The following SORCS2 variants were observed in gnomAD, a reference collection of about 807,000 sequenced individuals.
The protein encoded by SORCS2 is sortilin related VPS10 domain containing receptor 2.
In SORCS2, 100 loss-of-function variants were observed where a neutral mutation model predicts 141.6. The observed-to-expected ratio is 0.71, with a 90% confidence interval of 0.60 to 0.83. The LOEUF (loss-of-function observed/expected upper bound fraction) is 0.83, where lower values mean the gene tolerates loss of function less well. Ranked by LOEUF, SORCS2 falls within the 40% of genes least tolerant of loss-of-function variation. SORCS2 has a pLI of 0.00. For synonymous variants in SORCS2, 789 were observed against 676.9 expected, an observed-to-expected ratio of 1.17 and a Z score of -2.57; for missense variants, 1,646 against 1,560.2, an observed-to-expected ratio of 1.05 and a Z score of -0.93.
chr4:7,538,336 T>C (rs1712294492), intron 3 of SORCS2, among the ~76,000 whole-genome samples: 1 of 152,194 alleles, frequency 6.6e-6, no homozygotes, highest in African/African-American at 2.4e-5. Flanking sequence ...TTGTCATGGC[T>C]GGACCCAAGG....
At chr4:7,491,436 G>A (rs749139394) in intron 2 of SORCS2, among the ~76,000 whole-genome samples, 1 of 152,230 alleles carries the variant, frequency 6.6e-6, no homozygotes, top group African/African-American at 2.4e-5. Context: ...CTGCAGGCAG[G>A]TGCAGCGGCT....
intron 1 of SORCS2, among the ~76,000 whole-genome samples, chr4:7,335,788 G>A (rs895145208): frequency 1.4e-4 from 21 of 152,216 alleles, no homozygotes; most frequent in African/African-American, 4.8e-4. Context: ...GTGTGGCGTG[G>A]CGACTGGAAC....
At chr4:7,517,428 C>A (rs891599971) in intron 2 of SORCS2, among the ~76,000 whole-genome samples, 1 of 152,206 alleles carries the variant, frequency 6.6e-6, no homozygotes, top group African/African-American at 2.4e-5. Flanking sequence ...TCAGATGGCT[C>A]TGACCTCATC....
rs34428063 is a variant in SORCS2 at position 7,663,348 on chromosome 4, G to A, written c.953-1005G>A. Reference sequence around the variant, plus strand: ...TGAGTGATTGAGTGAGTGAGTGAGTGAGTCAGTCAGTCAGTAGACTGTTGA... The same window carrying A: ...TGAGTGATTGAGTGAGTGAGTGAGTAAGTCAGTCAGTCAGTAGACTGTTGA... On this transcript the variant is annotated intron_variant, in intron 6 of 26. Coordinates refer to ENST00000507866, the MANE Select transcript of SORCS2 (RefSeq NM_020777.3). This position sits in a 1 kb window ranked among gnomAD's most constrained non-coding sequence, Gnocchi z 4.8. Among the ~76,000 whole-genome samples, 2 of 152,036 alleles carry A rather than the reference G, an allele frequency of 1.3e-5. No individual in the cohort carries two copies. The highest frequency in any genetic ancestry group is 6.5e-5 in the Admixed American group (1 of 15,280).
chr4:7,572,315 T>G (rs773887929), intron 3 of SORCS2, among the ~76,000 whole-genome samples: 4 of 152,238 alleles, frequency 2.6e-5, no homozygotes, highest in African/African-American at 4.8e-5. Flanking sequence ...GATATTAACA[T>G]ACTCTGCTAG....
At chr4:7,350,403 C>T (rs1720870767) in intron 1 of SORCS2, among the ~76,000 whole-genome samples, 1 of 152,236 alleles carries the variant, frequency 6.6e-6, no homozygotes, top group Admixed American at 6.5e-5. Flanking sequence ...CAGAACTTAG[C>T]AATACATAGA....
At chr4:7,411,439 C>T (rs1361922041) in intron 2 of SORCS2, among the ~76,000 whole-genome samples, 1 of 152,074 alleles carries the variant, frequency 6.6e-6, no homozygotes, top group African/African-American at 2.4e-5. Flanking sequence ...ATCTGATCAA[C>T]CATCAATGCT....
intron 1 of SORCS2, among the ~76,000 whole-genome samples, chr4:7,294,004 T>G (rs556264385): frequency 1.6e-4 from 24 of 152,306 alleles, no homozygotes; most frequent in Admixed American, 8.5e-4. Flanking sequence ...CCTTTTATTT[T>G]TACCCACGCT....
At chr4:7,604,644 C>A (rs899144852) in intron 3 of SORCS2, among the ~76,000 whole-genome samples, 2 of 152,226 alleles carry the variant, frequency 1.3e-5, no homozygotes, top group African/African-American at 4.8e-5. Context: ...TGCCCACATT[C>A]ATTCTCTCTT....
At chr4:7,302,439 C>T (rs570561912) in intron 1 of SORCS2, among the ~76,000 whole-genome samples, 4 of 152,328 alleles carry the variant, frequency 2.6e-5, no homozygotes, top group South Asian at 4.1e-4. Flanking sequence ...CTTGCCACTT[C>T]GTCTGCCCAG....
Position 7,542,254 on chromosome 4 carries a change from G to T in SORCS2, c.648+10625G>T, listed in dbSNP as rs1188323465. Among the ~76,000 whole-genome samples the T allele has an allele frequency of 2.6e-5, 4 of 152,348 alleles. No individual in the cohort carries two copies. The South Asian group carries it at 6.2e-4, about 24-fold the overall frequency. On this transcript the variant is annotated intron_variant, in intron 3 of 26. Coordinates refer to ENST00000507866, the MANE Select transcript of SORCS2 (RefSeq NM_020777.3). ...CCCTGCTCCTGGGGCTGCATGCAGT[G>T]CTTTGGGCTGAATTGTGCCCCCCAA...
At chr4:7,581,457 CAGACCACAGT>C (rs955419525) in intron 3 of SORCS2, among the ~76,000 whole-genome samples, 76 of 152,308 alleles carry the variant, frequency 5.0e-4, no homozygotes, top group African/African-American at 1.8e-3. Flanking sequence ...CTTTTGATCA[CAGACCACAGT>C]AGACCCCATC....
At chr4:7,402,542 C>T (rs1484951923) in intron 2 of SORCS2, among the ~76,000 whole-genome samples, 1 of 152,108 alleles carries the variant, frequency 6.6e-6, no homozygotes, top group East Asian at 1.9e-4. Context: ...TTATGTATTC[C>T]CCTGCTGTGG....
At chr4:7,544,226 T>G (rs1713071986) in intron 3 of SORCS2, among the ~76,000 whole-genome samples, 1 of 152,204 alleles carries the variant, frequency 6.6e-6, no homozygotes, top group African/African-American at 2.4e-5. Context: ...ATGCATCAAC[T>G]TATTTATTCA....
intron 1 of SORCS2, among the ~76,000 whole-genome samples, chr4:7,217,811 C>G (rs1728454943): frequency 6.6e-6 from 1 of 152,214 alleles, no homozygotes; most frequent in African/African-American, 2.4e-5. Context: ...GAAGCTCCGA[C>G]CTGTGGGAGC....
At chr4:7,635,828 T>G (rs531308572) in intron 3 of SORCS2, among the ~76,000 whole-genome samples, 1 of 152,314 alleles carries the variant, frequency 6.6e-6, no homozygotes, top group South Asian at 2.1e-4. Flanking sequence ...AGGCCACATC[T>G]TTCTCCGTCA....
intron 3 of SORCS2, among the ~76,000 whole-genome samples, chr4:7,630,022 G>T (rs1336476392): frequency 6.6e-6 from 1 of 152,054 alleles, no homozygotes; most frequent in Non-Finnish European, 1.5e-5. Context: ...TCTGCCCAAG[G>T]CCAGGTCACC....
intron 2 of SORCS2, among the ~76,000 whole-genome samples, chr4:7,525,506 C>T (rs1733613478): frequency 6.6e-6 from 1 of 152,164 alleles, no homozygotes; most frequent in African/African-American, 2.4e-5. Flanking sequence ...AGCCCTCCAC[C>T]TTCCCCCAAG....
intron 2 of SORCS2, among the ~76,000 whole-genome samples, chr4:7,471,483 C>A (rs1233491949): frequency 6.6e-6 from 1 of 152,218 alleles, no homozygotes; most frequent in Non-Finnish European, 1.5e-5. Flanking sequence ...TGATACAGTG[C>A]AGGCTGGACA....
Sources: gnomAD v4.1 joint callset for allele counts (sites outside exome capture counted in the v4.1 genomes callset) on GRCh38, gnomAD v4.1.1 for gene constraint, Gnocchi (gnomAD v3.1) non-coding constraint, MANE v1.5 for transcripts, NCBI Gene and HGNC (gene_info 2026-07-23, HGNC 2026-07-21) for gene names.